PITPNC1: variants seen among roughly 807,000 people sequenced by gnomAD.
PITPNC1 encodes phosphatidylinositol transfer protein cytoplasmic 1.
Under a neutral mutation model 44.7 loss-of-function variants are expected in PITPNC1, and 18 were observed. The ratio of observed to expected loss-of-function variants is 0.40; its 90% CI spans 0.28 to 0.60. The LOEUF is 0.60. Among genes scored for constraint, PITPNC1 ranks in the 20% least tolerant of loss-of-function variants. The probability of loss-of-function intolerance (pLI) is 0.39; values close to 1 mark genes in which losing one functional copy is unlikely to be tolerated. For missense variants in PITPNC1, 290 were observed against 418.4 expected (o/e 0.69, Z 2.68); for synonymous variants, 141 against 149.6 (o/e 0.94, Z 0.42).
At chr17:67,629,738 G>A (rs552245741) in intron 5 of PITPNC1, among the ~76,000 whole-genome samples, 99 of 152,324 alleles carry the variant, frequency 6.5e-4, no homozygotes, top group African/African-American at 2.2e-3. Flanking sequence ...ACTTGAACTT[G>A]TTTCTCCACT....
At chr17:67,643,461 G>A (rs1186679239) in intron 6 of PITPNC1, among the ~76,000 whole-genome samples, 2 of 152,204 alleles carry the variant, frequency 1.3e-5, no homozygotes, top group South Asian at 2.1e-4. Context: ...GACCAGGGAG[G>A]GAAGAATTCA....
At position 67,594,484 on chromosome 17, in the gene PITPNC1, A is replaced by G. The variant is rs542433868; in HGVS notation, c.366+16227A>G. On this transcript the variant is annotated intron_variant, in intron 5 of 8. Transcript: ENST00000581322. ...ACATGAGTTGATAAGTCACGTCTCCAGGGACTTTTGAGTTCACTTTTTCAA... is the reference window on the plus strand; with the variant it reads ...ACATGAGTTGATAAGTCACGTCTCCGGGGACTTTTGAGTTCACTTTTTCAA... Among the ~76,000 whole-genome samples the G allele has an allele frequency of 2.0e-5, 3 of 152,136 alleles. No individual in the cohort carries two copies. In the East Asian group the frequency reaches 5.8e-4, roughly 29 times the overall value.
chr17:67,477,403 C>A lies in PITPNC1; in HGVS notation c.49-55399C>A, dbSNP rs141517438. ...CTGGGATTACAGGCATATGCCACTA[C>A]ACCAGCTGATTTTGTATTTTTAGTA... On this transcript the variant is annotated intron_variant, in intron 1 of 8. Transcript: ENST00000581322. Among the ~76,000 whole-genome samples the A allele has an allele frequency of 4.7e-3, 712 of 152,148 alleles. 4 individuals are homozygous for A. Among genetic ancestry groups the A allele is most frequent in the African/African-American group, 0.016 (649 of 41,506 alleles).
intron 2 of PITPNC1, among the ~76,000 whole-genome samples, chr17:67,539,726 T>A (rs112740518): frequency 1.2e-4 from 18 of 152,154 alleles, no homozygotes; most frequent in African/African-American, 4.3e-4. Context: ...GAGTCCCAGC[T>A]ACTCGGGAGG....
intron 5 of PITPNC1, among the ~76,000 whole-genome samples, chr17:67,610,897 G>A (rs2144292794): frequency 6.7e-6 from 1 of 149,322 alleles, no homozygotes; most frequent in African/African-American, 2.5e-5. Flanking sequence ...CTCCAGCCTG[G>A]CGACAGGGTG....
intron 1 of PITPNC1, among the ~76,000 whole-genome samples, chr17:67,413,641 T>C (rs1004727847): frequency 2.0e-5 from 3 of 152,148 alleles, no homozygotes; most frequent in African/African-American, 7.2e-5. Context: ...AGGAGTTTGA[T>C]GCATGCTGGG....
At chr17:67,382,196 G>C (rs1006318275) in intron 1 of PITPNC1, among the ~76,000 whole-genome samples, 2 of 152,154 alleles carry the variant, frequency 1.3e-5, no homozygotes, top group African/African-American at 4.8e-5. Flanking sequence ...ACTTGCTATA[G>C]ACGGTACTGG....
intron 5 of PITPNC1, among the ~76,000 whole-genome samples, chr17:67,587,769 T>C (rs796217150): frequency 2.6e-5 from 4 of 152,276 alleles, no homozygotes; most frequent in African/African-American, 7.2e-5. Context: ...ACCACAAAGA[T>C]TTACTTAGAG....
chr17:67,581,252 C>T (rs1261693331), intron 5 of PITPNC1, among the ~76,000 whole-genome samples: 1 of 152,240 alleles, frequency 6.6e-6, no homozygotes, highest in East Asian at 1.9e-4. Flanking sequence ...GGTTATCCAC[C>T]TTACAATCAG....
intron 1 of PITPNC1, among the ~76,000 whole-genome samples, chr17:67,385,957 C>A (rs1355349015): frequency 1.3e-5 from 2 of 152,140 alleles, no homozygotes; most frequent in African/African-American, 4.8e-5. Context: ...ATCAGGGAAG[C>A]AAACTGTTGT....
chr17:67,433,158 G>A (rs1311279892), intron 1 of PITPNC1, among the ~76,000 whole-genome samples: 2 of 152,280 alleles, frequency 1.3e-5, no homozygotes, highest in East Asian at 1.9e-4. Context: ...TGTGACTTAC[G>A]TGGTTCTCCC....
Position 67,495,037 on chromosome 17 carries a change from G to GTTTT in PITPNC1, c.49-37763_49-37762insTTTT, listed in dbSNP as rs2039925221. ...AACTTTGGCAATATTGAGCCATGGA[G>GTTTT]TTGTTTTTTTTTTTGTTTTTTTTTT... On this transcript the variant is annotated intron_variant, in intron 1 of 8. Transcript: ENST00000581322. Among the ~76,000 whole-genome samples, 113 of 79,388 alleles carry GTTTT rather than the reference G, an allele frequency of 1.4e-3. 1 individual carries two copies. The highest frequency in any genetic ancestry group is 2.6e-3 in the African/African-American group (54 of 21,012). The allele number at this position is 79,388 out of a possible 152,430, so 52.1% of individuals were successfully genotyped here. A position where few individuals can be genotyped will look rare whatever the true frequency, so the allele number is the denominator to read the frequency against.
At chr17:67,380,533 C>T (rs1450954779) in intron 1 of PITPNC1, among the ~76,000 whole-genome samples, 1 of 152,140 alleles carries the variant, frequency 6.6e-6, no homozygotes, top group East Asian at 1.9e-4. Context: ...GTCAGAGAAG[C>T]AGGAGGGCAA....
At chr17:67,515,659 G>A (rs1490065891) in intron 1 of PITPNC1, among the ~76,000 whole-genome samples, 5 of 152,200 alleles carry the variant, frequency 3.3e-5, no homozygotes, top group East Asian at 1.9e-4. Context: ...TCTGAAGGAG[G>A]ATGAAGAGAA....
At chr17:67,442,619 G>A (rs2039032143) in intron 1 of PITPNC1, among the ~76,000 whole-genome samples, 1 of 151,788 alleles carries the variant, frequency 6.6e-6, no homozygotes, top group Non-Finnish European at 1.5e-5. Flanking sequence ...GAGGCAAGTG[G>A]ATCACTTGAG....
intron 1 of PITPNC1, among the ~76,000 whole-genome samples, chr17:67,489,946 G>A (rs886759558): frequency 6.6e-6 from 1 of 152,184 alleles, no homozygotes; most frequent in Admixed American, 6.5e-5. Flanking sequence ...GTTTCACCAT[G>A]TTGGCCAGGC....
chr17:67,381,552 C>T (rs1334132562), intron 1 of PITPNC1, among the ~76,000 whole-genome samples: 1 of 151,140 alleles, frequency 6.6e-6, no homozygotes, highest in Non-Finnish European at 1.5e-5. Flanking sequence ...CTGCAAGGTC[C>T]ACCTCCCGGG....
At chr17:67,392,656 C>T (rs981066719) in intron 1 of PITPNC1, among the ~76,000 whole-genome samples, 1 of 152,128 alleles carries the variant, frequency 6.6e-6, no homozygotes, top group Non-Finnish European at 1.5e-5. Flanking sequence ...AAAAGCACCC[C>T]TAAACCTGCC....
chr17:67,653,017 C>T (rs2042226018), intron 6 of PITPNC1, among the ~76,000 whole-genome samples: 1 of 152,184 alleles, frequency 6.6e-6, no homozygotes, highest in Non-Finnish European at 1.5e-5. Context: ...TGCAGTGGCT[C>T]ACGCCTATGG....
Sources: gnomAD v4.1 joint callset for allele counts (sites outside exome capture counted in the v4.1 genomes callset) on GRCh38, gnomAD v4.1.1 for gene constraint, MANE v1.5 for transcripts, NCBI Gene and HGNC (gene_info 2026-07-23, HGNC 2026-07-21) for gene names.